The following CEP72 variants were observed in gnomAD, a reference collection of about 807,000 sequenced individuals.
CEP72 encodes the protein centrosomal protein 72, also known as centrosomal protein of 72 kDa.
CEP72 carries 78 observed loss-of-function variants against 65.7 expected under a neutral mutation model. The observed-to-expected ratio is 1.19, with a 90% CI of 0.99 to 1.43. The LOEUF is 1.43. CEP72 is among the 40% of genes most tolerant of loss of function. The pLI is 0.00. For missense variants in CEP72, 914 were observed against 832.9 expected, an observed-to-expected ratio of 1.10 and a Z score of -1.20; for synonymous variants, 358 against 351.7, an observed-to-expected ratio of 1.02 and a Z score of -0.20.
At chr5:666,944 G>C (rs1450344054) in exon 5 of CEP72, 2 of 152,188 alleles carry the variant, frequency 1.3e-5, no homozygotes, top group African/African-American at 4.8e-5. Context: ...CTCTGCAAAA[G>C]GCACCTGCAT....
intron 3 of CEP72, among the ~76,000 whole-genome samples, chr5:665,780 G>T (rs1220404267): frequency 7.1e-6 from 1 of 140,516 alleles, no homozygotes; most frequent in East Asian, 2.2e-4. Context: ...CCCCATTCAT[G>T]CCCCTTCTGA....
chr5:641,437 C>T, intron 9 of CEP72: 1 of 985,466 alleles, frequency 1.0e-6, no homozygotes. Flanking sequence ...TCGAAAACTG[C>T]CTCTGAACTT....
intron 7 of CEP72, 138 bp downstream of exon 7, chr5:637,956 C>G (rs767135949): frequency 2.3e-6 from 2 of 853,382 alleles, no homozygotes; most frequent in African/African-American, 3.7e-5. Flanking sequence ...ACGGCGGTGC[C>G]GTGATTACGC....
chr5:645,473 A>C lies in CEP72; in HGVS notation c.1666+1048A>C, dbSNP rs1738356057. Among the ~76,000 whole-genome samples, 1 of 151,790 alleles carries C rather than the reference A, an allele frequency of 6.6e-6. No individual in the cohort carries two copies. Among genetic ancestry groups the C allele is most frequent in the Non-Finnish European group, 1.5e-5 (1 of 67,934 alleles). ...GTAAAGGTGATGAGAAAAAAAAAAA[A>C]AAACAGTTCCCTGCCCGGGAGAACT... On this transcript the variant is annotated intron_variant, in intron 10 of 11. Transcript: ENST00000264935. This position sits in a 1 kb window ranked among gnomAD's most constrained non-coding sequence, Gnocchi z 4.0.
At chr5:672,164 C>T (rs775621840), downstream of CEP72, among the ~76,000 whole-genome samples, 13 of 152,316 alleles carry the variant, frequency 8.5e-5, no homozygotes, top group Admixed American at 3.3e-4. Flanking sequence ...AGTGTCCTAC[C>T]GGCCCTCCAC....
intron 1 of CEP72, among the ~76,000 whole-genome samples, chr5:617,964 C>T (rs79604641): frequency 0.012 from 1,771 of 152,320 alleles, 23 homozygotes; most frequent in Non-Finnish European, 0.016. Flanking sequence ...ATTACGGAAA[C>T]TTTCATCTTG....
rs752341048 is a variant in CEP72 at position 624,553 on chromosome 5, C to T, written c.486C>T (p.Ser162=). ...AGGACTCACTCGACTCCAAAGAGAG[C>T]GTCCCAGCTTCTTTGAAAGAGGGCA... ...ASEDSLDSKE[S]VPASLKEGRP... is the part of the protein sequence containing the mutation. The change falls in exon 4 of 12, where the codon AGC becomes AGT. Residue 162 remains serine, a synonymous_variant. Transcript: ENST00000264935. This position sits in a 1 kb window ranked among gnomAD's most constrained non-coding sequence, Gnocchi z 4.7. 1.2e-6 allele frequency: 2 copies of T among 1,612,710 alleles called. No homozygotes were observed. Among genetic ancestry groups the T allele is most frequent in the Non-Finnish European group, 1.7e-6 (2 of 1,178,658 alleles).
At chr5:628,483 G>GTT (rs1736914731) in intron 4 of CEP72, among the ~76,000 whole-genome samples, 1 of 122,970 alleles carries the variant, frequency 8.1e-6, no homozygotes, top group East Asian at 2.3e-4. Flanking sequence ...AACTCAGGTT[G>GTT]CCGTCCCTGG....
At chr5:637,182 T>C (rs954385819) in intron 6 of CEP72, among the ~76,000 whole-genome samples, 4 of 152,224 alleles carry the variant, frequency 2.6e-5, no homozygotes, top group African/African-American at 7.2e-5. Context: ...GAACGCGTTG[T>C]TGAAGCGTAC....
intron 4 of CEP72, among the ~76,000 whole-genome samples, chr5:633,192 GC>G (rs1287811087): frequency 1.0e-5 from 1 of 98,672 alleles, no homozygotes; most frequent in Non-Finnish European, 1.9e-5. Flanking sequence ...TCTGTCCAGT[GC>G]CGGGATTTAG....
In CEP72 at chr5:612,691, G is replaced by GT. The variant is rs1332807033; in HGVS notation, c.82+250dup. The GT allele has an allele frequency of 5.6e-5, 33 of 592,118 alleles. No homozygotes were observed. In the African/African-American group the frequency reaches 6.8e-4, roughly 12 times the overall value. The allele number at this position is 592,118 out of a possible 1,614,324, so 36.7% of individuals were successfully genotyped here. On this transcript the variant is annotated intron_variant, in intron 1 of 11. Transcript: ENST00000264935. ...CCCCTGCCTGTCTATCGGGTCACTG[G>GT]TTCCGTGACTGGGGGTTACATCCGC... is the stretch of plus-strand genomic sequence containing the variant.
At chr5:666,511 T>G (rs1739921939) in intron 4 of CEP72, among the ~76,000 whole-genome samples, 1 of 152,138 alleles carries the variant, frequency 6.6e-6, no homozygotes, top group African/African-American at 2.4e-5. Flanking sequence ...CCTGTGTGTG[T>G]TGGGGTCCTA....
Position 620,124 on chromosome 5 carries a change from C to G in CEP72, c.266C>G (p.Ser89Cys), listed in dbSNP as rs778776739. Reference protein sequence around the residue: ...ESLNLYYNCISSLAEVFRLHA... With the variant: ...ESLNLYYNCICSLAEVFRLHA... ...CTCAATCTCTACTACAACTGCATCT[C>G]CTCGTTGGCAGAAGTGTTTCGGCTC... The change falls in exon 3 of 12, where the codon TCC becomes TGC. Residue 89 changes from serine to cysteine, a missense_variant. Coordinates refer to ENST00000264935, the MANE Select transcript of CEP72 (RefSeq NM_018140.4). 3 of 1,614,216 alleles carry G rather than the reference C, an allele frequency of 1.9e-6. No homozygotes were observed. The highest frequency in any genetic ancestry group is 1.6e-4 in the Middle Eastern group (1 of 6,062).
At chr5:613,933 A>C (rs1049643256) in intron 1 of CEP72, among the ~76,000 whole-genome samples, 3 of 152,232 alleles carry the variant, frequency 2.0e-5, no homozygotes, top group African/African-American at 7.2e-5. Flanking sequence ...AATCCAAGTG[A>C]TCCTGAGGCA....
At chr5:626,049 A>T (rs199584890) in intron 4 of CEP72, among the ~76,000 whole-genome samples, 2 of 147,794 alleles carry the variant, frequency 1.4e-5, no homozygotes, top group East Asian at 4.4e-4. Context: ...GGTGGGGGGC[A>T]GGGGGGGGCG....
chr5:649,277 GT>G (rs1207688683), intron 11 of CEP72, among the ~76,000 whole-genome samples: 3 of 110,338 alleles, frequency 2.7e-5, no homozygotes, highest in African/African-American at 9.2e-5. Context: ...ACTGTGAGGT[GT>G]GACTGTGAGG....
chr5:659,229 CCTGTT>C (rs1409018114), downstream of CEP72, among the ~76,000 whole-genome samples: 1 of 152,256 alleles, frequency 6.6e-6, no homozygotes, highest in Non-Finnish European at 1.5e-5. Flanking sequence ...TCTCCATGCT[CCTGTT>C]CTGCTCACCT....
intron 11 of CEP72, among the ~76,000 whole-genome samples, chr5:648,381 A>G (rs1176584446): frequency 1.6e-5 from 2 of 123,154 alleles, no homozygotes; most frequent in Admixed American, 8.0e-5. Context: ...ACCACGAGGC[A>G]TGGACTGTGA....
At chr5:649,251 TG>T (rs1485607975) in intron 11 of CEP72, among the ~76,000 whole-genome samples, 25 of 13,898 alleles carry the variant, frequency 1.8e-3, no homozygotes, top group African/African-American at 0.011. Context: ...CTGTGAGGTG[TG>T]GACTGTGAGG....
Sources: gnomAD v4.1 joint callset for allele counts (sites outside exome capture counted in the v4.1 genomes callset) on GRCh38, gnomAD v4.1.1 for gene constraint, Gnocchi (gnomAD v3.1) non-coding constraint, MANE v1.5 for transcripts, NCBI Gene and HGNC (gene_info 2026-07-23, HGNC 2026-07-21) for gene names.